Variants in FNIP1 observed in about 807,000 individuals in gnomAD.
FNIP1 encodes folliculin interacting protein 1.
Under a neutral mutation model 124.5 loss-of-function variants are expected in FNIP1, and 40 were observed. The ratio of observed to expected loss-of-function variants is 0.32; its 90% CI spans 0.25 to 0.42. FNIP1 has a LOEUF of 0.42. Among genes scored for constraint, FNIP1 ranks in the 10% least tolerant of loss-of-function variants. The probability of loss-of-function intolerance (pLI) is 1.00; values close to 1 mark genes in which losing one functional copy is unlikely to be tolerated. For missense variants in FNIP1, 1,176 were observed against 1,403.7 expected (o/e 0.84, Z 2.59); for synonymous variants, 472 against 470.6 (o/e 1.00, Z -0.04).
chr5:131,719,087 A>G (rs1481937476), intron 4 of FNIP1, 27 bp from the exon 5 acceptor site: 1 of 1,594,616 alleles, frequency 6.3e-7, no homozygotes, highest in East Asian at 2.2e-5. Context: ...AAAGAGAGAG[A>G]CCAAAACTAA....
intron 1 of FNIP1, among the ~76,000 whole-genome samples, chr5:131,783,153 G>T (rs1351330132): frequency 2.0e-5 from 3 of 152,122 alleles, no homozygotes; most frequent in Admixed American, 2.0e-4. Flanking sequence ...TATCACCTGT[G>T]TATGCTTATA....
chr5:131,700,903 T>C (rs1357016890), intron 10 of FNIP1, among the ~76,000 whole-genome samples: 1 of 152,240 alleles, frequency 6.6e-6, no homozygotes, highest in Non-Finnish European at 1.5e-5. Flanking sequence ...TCATTTAATT[T>C]CATCTTTCAG....
chr5:131,690,775 C>T (rs1768453628), intron 11 of FNIP1, among the ~76,000 whole-genome samples: 2 of 152,112 alleles, frequency 1.3e-5, no homozygotes, highest in South Asian at 4.2e-4. Context: ...TAAAGAGGGG[C>T]ACTTCATAAT....
chr5:131,756,833 G>C (rs1197508753), intron 1 of FNIP1, among the ~76,000 whole-genome samples: 1 of 152,124 alleles, frequency 6.6e-6, no homozygotes, highest in African/African-American at 2.4e-5. Context: ...AAAGAAAATG[G>C]GGAAAGGAGC....
At chr5:131,740,145 C>CTTTT (rs941142758) in intron 2 of FNIP1, among the ~76,000 whole-genome samples, 6 of 152,136 alleles carry the variant, frequency 3.9e-5, no homozygotes, top group Non-Finnish European at 8.8e-5. Flanking sequence ...CTTAAGAAGA[C>CTTTT]TTTTAAAGTT....
intron 5 of FNIP1, among the ~76,000 whole-genome samples, chr5:131,717,272 A>G (rs577421646): frequency 2.8e-4 from 42 of 152,176 alleles, no homozygotes; most frequent in African/African-American, 1.0e-3. Flanking sequence ...TTTGCTGAGA[A>G]TGACGGTTTC....
At chr5:131,740,776 A>C (rs575242677) in intron 2 of FNIP1, among the ~76,000 whole-genome samples, 1 of 152,298 alleles carries the variant, frequency 6.6e-6, no homozygotes, top group African/African-American at 2.4e-5. Flanking sequence ...ATTCTAAGTC[A>C]CAGGAGGAGA....
intron 15 of FNIP1, among the ~76,000 whole-genome samples, chr5:131,668,118 C>T (rs184771927): frequency 8.4e-4 from 128 of 152,194 alleles, no homozygotes; most frequent in African/African-American, 3.0e-3. Flanking sequence ...CTAACTTGAC[C>T]TGATAGCTAT....
chr5:131,647,973 A>G (rs1766939566), intron 16 of FNIP1, among the ~76,000 whole-genome samples: 1 of 152,104 alleles, frequency 6.6e-6, no homozygotes, highest in East Asian at 1.9e-4. Context: ...AGAATAAAAA[A>G]CAGTTTGCAA....
At chr5:131,784,033 A>C (rs1772083245) in intron 1 of FNIP1, among the ~76,000 whole-genome samples, 1 of 151,984 alleles carries the variant, frequency 6.6e-6, no homozygotes, top group Admixed American at 6.6e-5. Context: ...AAGGAAAAAC[A>C]AAAGGGCAAA....
chr5:131,739,937 CT>C (rs1330693927), intron 2 of FNIP1, among the ~76,000 whole-genome samples: 2 of 151,420 alleles, frequency 1.3e-5, no homozygotes, highest in Non-Finnish European at 2.9e-5. Flanking sequence ...CCAATCATTG[CT>C]AATTTTTTTC....
rs187524306 is a variant in FNIP1, at chr5:131,718,047, C to T, written c.530+939G>A. On this transcript the variant is annotated intron_variant, in intron 5 of 17. Transcript: ENST00000510461. ...AAATACAAAAAAAAAAAAAAGTCAG[C>T]CGGGCGTGGTGGCCTGCGCCTGTAG... Among the ~76,000 whole-genome samples, 802 of 151,166 alleles carry T rather than the reference C, an allele frequency of 5.3e-3. 10 individuals are homozygous for T. Among genetic ancestry groups the T allele is most frequent in the African/African-American group, 0.019 (783 of 40,936 alleles).
chr5:131,721,309 G>A (rs1769652155), intron 3 of FNIP1, among the ~76,000 whole-genome samples: 2 of 152,054 alleles, frequency 1.3e-5, no homozygotes, highest in Admixed American at 6.6e-5. Flanking sequence ...GAATCAAAGA[G>A]TAGAATGGTA....
At chr5:131,795,565 T>C (rs1391175033) in intron 1 of FNIP1, 1 of 152,328 alleles carries the variant, frequency 6.6e-6, no homozygotes, top group Non-Finnish European at 1.5e-5. Flanking sequence ...CACTTTCATT[T>C]TTCAAAGGAA....
chr5:131,680,755 A>G (rs1463985670), intron 11 of FNIP1, among the ~76,000 whole-genome samples: 1 of 152,212 alleles, frequency 6.6e-6, no homozygotes. Flanking sequence ...CCCTGTCTCT[A>G]TTATTTAAAA....
chr5:131,673,638 C>T (rs956337537), intron 13 of FNIP1, among the ~76,000 whole-genome samples: 2 of 152,114 alleles, frequency 1.3e-5, no homozygotes, highest in African/African-American at 4.8e-5. Context: ...CAAGAAAAGA[C>T]AAAGCACAAT....
intron 2 of FNIP1, among the ~76,000 whole-genome samples, chr5:131,744,318 C>T (rs752929703): frequency 6.6e-6 from 1 of 152,172 alleles, no homozygotes; most frequent in African/African-American, 2.4e-5. Context: ...ATGCTTATCA[C>T]ATTTGTTAAG....
chr5:131,653,150 A>G (rs1487779117), intron 15 of FNIP1, among the ~76,000 whole-genome samples: 1 of 152,176 alleles, frequency 6.6e-6, no homozygotes, highest in East Asian at 1.9e-4. Flanking sequence ...CTGTTTGACT[A>G]AGACATCTGT....
Position 131,671,917 on chromosome 5 carries a change from AATC to A in FNIP1, c.2524_2526del (p.Asp842del). 6.2e-7 allele frequency: 1 copy of A among 1,614,196 alleles called. No homozygotes were observed. Among genetic ancestry groups the A allele is most frequent in the Non-Finnish European group, 8.5e-7 (1 of 1,180,042 alleles). ...TCATCAATAGTCCTGGTTTCGATTGAATCATCATTAAAATATTCGTCGAATAAG... is the reference window on the plus strand; with the variant it reads ...TCATCAATAGTCCTGGTTTCGATTGAATCATTAAAATATTCGTCGAATAAG... On this transcript the variant is annotated inframe_deletion, in exon 14 of 18. Coordinates refer to ENST00000510461, the MANE Select transcript of FNIP1 (RefSeq NM_133372.3).
Sources: allele counts gnomAD v4.1 joint callset (sites outside exome capture counted in the v4.1 genomes callset), GRCh38; gene constraint gnomAD v4.1.1; transcripts MANE v1.5; gene names NCBI Gene and HGNC (gene_info 2026-07-23, HGNC 2026-07-21).